The following NXPH1 variants were observed in gnomAD, a reference collection of about 807,000 sequenced individuals.
NXPH1 encodes neurexophilin-1.
In NXPH1, 5 loss-of-function variants were observed where a neutral mutation model predicts 23.7. The ratio of observed to expected loss-of-function variants is 0.21; its 90% CI spans 0.11 to 0.44. The LOEUF is 0.44. NXPH1 is among the 20% of genes least tolerant of loss of function. NXPH1 has a pLI of 0.99. For synonymous variants in NXPH1, 144 were observed against 122.2 expected, an observed-to-expected ratio of 1.18 and a Z score of -1.18; for missense variants, 324 against 321.6, an observed-to-expected ratio of 1.01 and a Z score of -0.06.
chr7:8,509,957 G>A (rs1489808784), intron 2 of NXPH1, among the ~76,000 whole-genome samples: 2 of 152,132 alleles, frequency 1.3e-5, no homozygotes, highest in Admixed American at 1.3e-4. Flanking sequence ...AAAAGTGAGT[G>A]AAAAATCCTG....
At chr7:8,496,060 G>A (rs1817333000) in intron 2 of NXPH1, among the ~76,000 whole-genome samples, 2 of 152,000 alleles carry the variant, frequency 1.3e-5, no homozygotes, top group South Asian at 4.1e-4. Context: ...GTGGTAGCTA[G>A]TTTGAATGAA....
At chr7:8,470,555 G>A (rs1192776907) in intron 2 of NXPH1, among the ~76,000 whole-genome samples, 1 of 152,130 alleles carries the variant, frequency 6.6e-6, no homozygotes, top group Non-Finnish European at 1.5e-5. Context: ...TGCAGAGTAG[G>A]AACAGATCTC....
intron 2 of NXPH1, among the ~76,000 whole-genome samples, chr7:8,564,594 C>T (rs565718210): frequency 6.6e-6 from 1 of 151,948 alleles, no homozygotes; most frequent in South Asian, 2.1e-4. Context: ...GGATTGAACA[C>T]TTACTCCAAA....
intron 2 of NXPH1, among the ~76,000 whole-genome samples, chr7:8,610,987 C>T (rs970706134): frequency 6.6e-6 from 1 of 152,102 alleles, no homozygotes; most frequent in African/African-American, 2.4e-5. Flanking sequence ...GTCACAATAG[C>T]ACTGGGTCTG....
intron 2 of NXPH1, among the ~76,000 whole-genome samples, chr7:8,451,520 T>C (rs1816506829): frequency 6.6e-6 from 1 of 152,226 alleles, no homozygotes. Context: ...TTATTTTGTT[T>C]ATTGAATAAC....
intron 2 of NXPH1, among the ~76,000 whole-genome samples, chr7:8,707,030 G>A (rs1218939833): frequency 6.6e-6 from 1 of 152,050 alleles, no homozygotes; most frequent in Non-Finnish European, 1.5e-5. Flanking sequence ...TTGCACATGT[G>A]CTCCATAAAT....
intron 2 of NXPH1, among the ~76,000 whole-genome samples, chr7:8,624,136 T>C (rs1819939539): frequency 6.6e-6 from 1 of 152,082 alleles, no homozygotes; most frequent in Non-Finnish European, 1.5e-5. Flanking sequence ...TGATAATTGG[T>C]AGCACAGGGT....
intron 2 of NXPH1, among the ~76,000 whole-genome samples, chr7:8,683,411 G>A (rs1821088826): frequency 1.3e-5 from 2 of 152,068 alleles, no homozygotes; most frequent in South Asian, 4.2e-4. Context: ...GAAAAAGAGT[G>A]GGGCTATATC....
At chr7:8,586,588 A>G (rs1818985886) in intron 2 of NXPH1, among the ~76,000 whole-genome samples, 1 of 151,752 alleles carries the variant, frequency 6.6e-6, no homozygotes, top group South Asian at 2.1e-4. Context: ...CATGACCAAA[A>G]ATTCTGGGGG....
chr7:8,677,300 A>G (rs1820966153), intron 2 of NXPH1, among the ~76,000 whole-genome samples: 1 of 152,236 alleles, frequency 6.6e-6, no homozygotes, highest in Non-Finnish European at 1.5e-5. Context: ...AAGATCTGTG[A>G]TTCCTTAGAA....
At chr7:8,651,208 G>A (rs71217170) in intron 2 of NXPH1, among the ~76,000 whole-genome samples, 4,128 of 91,264 alleles carry the variant, frequency 0.045, 198 homozygotes, top group African/African-American at 0.13. Context: ...ACCTATGAGT[G>A]AGAATATGCG....
intron 2 of NXPH1, among the ~76,000 whole-genome samples, chr7:8,604,440 TTTAGTTGCG>T (rs1308651612): frequency 1.1e-4 from 17 of 152,124 alleles, no homozygotes; most frequent in Non-Finnish European, 7.4e-5. Flanking sequence ...GCATTTTCTT[TTTAGTTGCG>T]CTATTCCTGC....
At chr7:8,539,021 C>T (rs539433972) in intron 2 of NXPH1, among the ~76,000 whole-genome samples, 1 of 151,904 alleles carries the variant, frequency 6.6e-6, no homozygotes, top group East Asian at 2.0e-4. Context: ...GTAAATGAGG[C>T]TAGTAAAAGA....
At chr7:8,468,575 C>G (rs535465272) in intron 2 of NXPH1, among the ~76,000 whole-genome samples, 28 of 152,120 alleles carry the variant, frequency 1.8e-4, no homozygotes, top group African/African-American at 6.5e-4. Context: ...TTCATCAATA[C>G]TCAACCAATG....
intron 2 of NXPH1, among the ~76,000 whole-genome samples, chr7:8,590,513 C>A (rs1032919395): frequency 1.3e-5 from 2 of 152,012 alleles, no homozygotes; most frequent in Non-Finnish European, 2.9e-5. Flanking sequence ...TACATAATAG[C>A]GACAACACCT....
chr7:8,590,461 T>G lies in NXPH1; in HGVS notation c.54+154694T>G, dbSNP rs575637280. ...AAGGACATGCTAACTTTGTCCAGGA[T>G]TTAGTGGGAAAATTAGAACCTTTAC... On this transcript the variant is annotated intron_variant, in intron 2 of 2. Transcript: ENST00000405863. 5.3e-5 allele frequency among the ~76,000 whole-genome samples: 8 copies of G among 152,110 alleles called. No homozygotes were observed. In the South Asian group the frequency reaches 1.7e-3, roughly 32 times the overall value.
At chr7:8,737,104 T>TAAATG (rs1399412622) in intron 2 of NXPH1, among the ~76,000 whole-genome samples, 2 of 152,226 alleles carry the variant, frequency 1.3e-5, no homozygotes, top group Non-Finnish European at 2.9e-5. Context: ...TGTGTGTCTT[T>TAAATG]TAATTGGAGC....
At chr7:8,717,707 A>C (rs1463935205) in intron 2 of NXPH1, among the ~76,000 whole-genome samples, 1 of 152,178 alleles carries the variant, frequency 6.6e-6, no homozygotes, top group African/African-American at 2.4e-5. Flanking sequence ...CCCTCCTGCT[A>C]CATATGTGGT....
At chr7:8,677,122 A>G (rs1233885846) in intron 2 of NXPH1, among the ~76,000 whole-genome samples, 1 of 152,194 alleles carries the variant, frequency 6.6e-6, no homozygotes, top group Non-Finnish European at 1.5e-5. Context: ...AAAGTTATAG[A>G]TGTACTTTGT....
Sources: gnomAD v4.1 joint callset for allele counts (sites outside exome capture counted in the v4.1 genomes callset) on GRCh38, gnomAD v4.1.1 for gene constraint, MANE v1.5 for transcripts, NCBI Gene and HGNC (gene_info 2026-07-23, HGNC 2026-07-21) for gene names.